The following SATB1 variants were observed in gnomAD, a reference collection of about 807,000 sequenced individuals.
SATB1 encodes SATB homeobox 1.
In SATB1, 11 loss-of-function variants were observed where a neutral mutation model predicts 86.9. The observed-to-expected ratio is 0.13, with a 90% CI of 0.08 to 0.21. The LOEUF is 0.21. Among genes scored for constraint, SATB1 ranks in the 10% least tolerant of loss-of-function variants. SATB1 has a pLI of 1.00. For synonymous variants in SATB1, 357 were observed against 357.2 expected (o/e 1.00, Z 0.01); for missense variants, 551 against 937.6 (o/e 0.59, Z 5.39).
At chr3:18,358,306 A>G (rs2125140362) in intron 9 of SATB1, among the ~76,000 whole-genome samples, 1 of 152,134 alleles carries the variant, frequency 6.6e-6, no homozygotes, top group East Asian at 1.9e-4. Context: ...ATTAACCTTT[A>G]AATGTTATGA....
chr3:18,398,624 T>C (rs1455335594), intron 5 of SATB1, among the ~76,000 whole-genome samples: 1 of 152,312 alleles, frequency 6.6e-6, no homozygotes, highest in Non-Finnish European at 1.5e-5. Flanking sequence ...TTCTGGAATA[T>C]GTAAATTTGG....
rs941915081 is a variant in SATB1 at position 18,425,149 on chromosome 3, TGCC to T, written c.-1550_-1548del. The T allele has an allele frequency of 7.2e-4, 126 of 174,988 alleles. No homozygotes were observed. The highest frequency in any genetic ancestry group is 2.2e-3 in the South Asian group (16 of 7,260). 10.8% of individuals were successfully genotyped at this position (174,988 alleles called of 1,614,324 possible). A position where few individuals can be genotyped will look rare whatever the true frequency, so the allele number is the denominator to read the frequency against. On this transcript the variant is annotated 5_prime_UTR_variant, in exon 1 of 11. Coordinates refer to ENST00000338745, the MANE Select transcript of SATB1 (RefSeq NM_002971.6). ...TCTCCGCCGCTGCTCCTGCTGCTGC[TGCC>T]GCCGCCGCCGCCGCTGCCGCTGTGG...
At chr3:18,412,824 A>G (rs1697923741) in intron 5 of SATB1, among the ~76,000 whole-genome samples, 1 of 152,104 alleles carries the variant, frequency 6.6e-6, no homozygotes, top group South Asian at 2.1e-4. Context: ...AGAAGCAAAC[A>G]GAAAACAGTT....
intron 9 of SATB1, among the ~76,000 whole-genome samples, chr3:18,366,472 TCAAA>T (rs1384363127): frequency 2.0e-5 from 3 of 149,490 alleles, no homozygotes; most frequent in Admixed American, 6.7e-5. Context: ...AATCAATCAA[TCAAA>T]AGAGCAGCTA....
chr3:18,372,457 C>A (rs1336538162), intron 9 of SATB1, among the ~76,000 whole-genome samples: 2 of 152,080 alleles, frequency 1.3e-5, no homozygotes, highest in East Asian at 3.9e-4. Context: ...AACACGATAA[C>A]CAGAGATCTT....
chr3:18,363,141 A>G (rs1695003943), intron 9 of SATB1, among the ~76,000 whole-genome samples: 1 of 152,088 alleles, frequency 6.6e-6, no homozygotes, highest in African/African-American at 2.4e-5. Flanking sequence ...ATGATGTTTT[A>G]GGAGAGATAA....
intron 9 of SATB1, among the ~76,000 whole-genome samples, chr3:18,363,433 C>A (rs1326190020): frequency 2.0e-5 from 3 of 151,990 alleles, no homozygotes; most frequent in Non-Finnish European, 4.4e-5. Flanking sequence ...TGACAATGGC[C>A]GGGTTATAAT....
chr3:18,445,000 G>C lies in SATB1; in HGVS notation c.-25+518C>G. 1 of 166,934 alleles carries C rather than the reference G, an allele frequency of 6.0e-6. No individual in the cohort carries two copies. Among genetic ancestry groups the C allele is most frequent in the Non-Finnish European group, 1.2e-5 (1 of 82,678 alleles). The allele number at this position is 166,934 out of a possible 1,614,324, so 10.3% of individuals were successfully genotyped here. A position where few individuals can be genotyped will look rare whatever the true frequency, so the allele number is the denominator to read the frequency against. ...TCTCGTCTCGTCGGTCGCGGCGCCT[G>C]CAGTCTGGAGGCGCACCGGAGCGGC... On this transcript the variant is annotated intron_variant, in intron 1 of 3. Coordinates refer to the SATB1 transcript ENST00000415069. This position sits in a 1 kb window ranked among gnomAD's most constrained non-coding sequence, Gnocchi z 5.1.
chr3:18,373,183 C>T (rs530635041), intron 9 of SATB1, among the ~76,000 whole-genome samples: 25 of 152,106 alleles, frequency 1.6e-4, no homozygotes, highest in Non-Finnish European at 2.8e-4. Flanking sequence ...CTTCGTTTGC[C>T]CAAGAGAAGG....
At chr3:18,375,607 TTTG>T (rs950284813) in intron 9 of SATB1, among the ~76,000 whole-genome samples, 4 of 152,316 alleles carry the variant, frequency 2.6e-5, no homozygotes, top group South Asian at 2.1e-4. Context: ...GAAGGGTTTT[TTTG>T]TTGTTGTTGT....
chr3:18,421,648 AT>A (rs1194550563), intron 1 of SATB1, among the ~76,000 whole-genome samples: 1 of 152,170 alleles, frequency 6.6e-6, no homozygotes, highest in Non-Finnish European at 1.5e-5. Flanking sequence ...ATGTGATTGG[AT>A]CAGTTTACCC....
At chr3:18,416,757 A>G (rs1169809123) in intron 3 of SATB1, 145 bp downstream of exon 3, 5 of 768,892 alleles carry the variant, frequency 6.5e-6, no homozygotes, top group African/African-American at 1.8e-5. Context: ...AACTGAATTA[A>G]GCCAATTTTT....
intron 1 of SATB1, among the ~76,000 whole-genome samples, chr3:18,422,211 T>C (rs996028574): frequency 1.3e-5 from 2 of 152,190 alleles, no homozygotes; most frequent in African/African-American, 4.8e-5. Flanking sequence ...TAATTTGATA[T>C]AGCTTGTTTT....
intron 10 of SATB1, 83 bp downstream of exon 10, chr3:18,351,909 G>A (rs1694381673): frequency 7.6e-7 from 1 of 1,317,158 alleles, no homozygotes; most frequent in East Asian, 2.3e-5. Context: ...AGACTGGCAG[G>A]AGGAAGAGAA....
At chr3:18,445,361 G>C (rs1699365437) in intron 1 of SATB1, 2 of 985,168 alleles carry the variant, frequency 2.0e-6, no homozygotes, top group South Asian at 4.5e-5. Flanking sequence ...GGGTGTGGGG[G>C]GCGGCGGGCC....
intron 9 of SATB1, among the ~76,000 whole-genome samples, chr3:18,367,311 A>G (rs1321142621): frequency 6.6e-6 from 1 of 152,222 alleles, no homozygotes; most frequent in Non-Finnish European, 1.5e-5. Flanking sequence ...TACACTGCAA[A>G]TGATACTGAT....
intron 5 of SATB1, among the ~76,000 whole-genome samples, chr3:18,398,762 T>A (rs1697094042): frequency 6.6e-6 from 1 of 152,134 alleles, no homozygotes; most frequent in African/African-American, 2.4e-5. Flanking sequence ...ATTTTCACAT[T>A]TTATATCTCT....
chr3:18,393,127 TAG>T (rs1336680423), intron 7 of SATB1, among the ~76,000 whole-genome samples: 4 of 152,086 alleles, frequency 2.6e-5, no homozygotes, highest in African/African-American at 9.7e-5. Flanking sequence ...GAATTAATAC[TAG>T]ATTACTTCTG....
chr3:18,443,819 G>T lies in SATB1; in HGVS notation c.-25+1699C>A, dbSNP rs1699304125. Among the ~76,000 whole-genome samples, 1 of 152,176 alleles carries T rather than the reference G, an allele frequency of 6.6e-6. No individual in the cohort carries two copies. Among genetic ancestry groups the T allele is most frequent in the South Asian group, 2.1e-4 (1 of 4,820 alleles). On this transcript the variant is annotated intron_variant, in intron 1 of 3. Coordinates refer to the SATB1 transcript ENST00000415069. The surrounding 1 kb of genome is among the most constrained non-coding windows in gnomAD (Gnocchi z 4.4). ...TGCGAGGCTGCACCTGTGATGTCCC[G>T]GCCCCTGCTAAGAGGACGGCCCTTT...
Sources: allele counts gnomAD v4.1 joint callset (sites outside exome capture counted in the v4.1 genomes callset), GRCh38; gene constraint gnomAD v4.1.1; non-coding constraint Gnocchi (gnomAD v3.1); transcripts MANE v1.5; gene names NCBI Gene and HGNC (gene_info 2026-07-23, HGNC 2026-07-21).